NCAM2: variants seen among roughly 807,000 people sequenced by gnomAD.
NCAM2 encodes neural cell adhesion molecule 2, also known as N-CAM-2.
Under a neutral mutation model 98.1 loss-of-function variants are expected in NCAM2, and 30 were observed. The observed-to-expected ratio is 0.31, with a 90% CI of 0.23 to 0.41. The LOEUF (loss-of-function observed/expected upper bound fraction) is 0.41. Among genes scored for constraint, NCAM2 ranks in the 10% least tolerant of loss-of-function variants. NCAM2 has a pLI of 1.00. For missense variants in NCAM2, 867 were observed against 1,005.8 expected (o/e 0.86, Z 1.87); for synonymous variants, 368 against 342.4 (o/e 1.07, Z -0.83).
At chr21:21,039,332 C>A (rs1451306704) in intron 1 of NCAM2, among the ~76,000 whole-genome samples, 1 of 152,124 alleles carries the variant, frequency 6.6e-6, no homozygotes, top group Non-Finnish European at 1.5e-5. Flanking sequence ...AAAAAGATAT[C>A]CCTTAATAAT....
chr21:21,245,876 G>A (rs928361757), intron 1 of NCAM2, among the ~76,000 whole-genome samples: 3 of 152,252 alleles, frequency 2.0e-5, no homozygotes, highest in South Asian at 2.1e-4. Flanking sequence ...AGGAAGAGAA[G>A]GAAGGAAGGT....
intron 1 of NCAM2, among the ~76,000 whole-genome samples, chr21:21,186,015 G>A (rs113579645): frequency 6.6e-5 from 10 of 152,206 alleles, no homozygotes; most frequent in African/African-American, 1.4e-4. Flanking sequence ...GCACTGATGC[G>A]GTTCTCTTTC....
rs141070505 is a variant in NCAM2, at chr21:21,214,233, A to G, written c.56-66345A>G. 4.6e-4 allele frequency among the ~76,000 whole-genome samples: 70 copies of G among 152,262 alleles called. 1 individual carries two copies. Among genetic ancestry groups the G allele is most frequent in the African/African-American group, 1.5e-3 (61 of 41,564 alleles). ...GAATTACAGTCTTTCCAAGTAAAGA[A>G]TTTTATGAAAAATGTTTATAGATTG... On this transcript the variant is annotated intron_variant, in intron 1 of 17. Coordinates refer to ENST00000400546, the MANE Select transcript of NCAM2 (RefSeq NM_004540.5).
chr21:21,040,369 C>G (rs935656242), intron 1 of NCAM2, among the ~76,000 whole-genome samples: 1 of 152,042 alleles, frequency 6.6e-6, no homozygotes, highest in African/African-American at 2.4e-5. Flanking sequence ...TGAACCATGA[C>G]TTTATGTGTG....
intron 1 of NCAM2, among the ~76,000 whole-genome samples, chr21:21,238,200 G>A (rs1285588286): frequency 6.6e-6 from 1 of 151,768 alleles, no homozygotes; most frequent in Non-Finnish European, 1.5e-5. Context: ...CAGGTGATAC[G>A]CCCATCTCGG....
At chr21:21,096,339 T>C (rs897156003) in intron 1 of NCAM2, among the ~76,000 whole-genome samples, 3 of 151,632 alleles carry the variant, frequency 2.0e-5, no homozygotes, top group Non-Finnish European at 4.4e-5. Context: ...AGCCCTCACT[T>C]TGCACAGTAG....
chr21:21,414,169 A>G (rs2076940549), intron 10 of NCAM2, among the ~76,000 whole-genome samples: 1 of 152,150 alleles, frequency 6.6e-6, no homozygotes, highest in Non-Finnish European at 1.5e-5. Flanking sequence ...GCAGCAATTC[A>G]TTCACTTCTT....
At chr21:21,238,980 A>G (rs1283937294) in intron 1 of NCAM2, among the ~76,000 whole-genome samples, 1 of 152,184 alleles carries the variant, frequency 6.6e-6, no homozygotes, top group Non-Finnish European at 1.5e-5. Context: ...ATTGGACTAA[A>G]TGAAATTAGA....
intron 1 of NCAM2, among the ~76,000 whole-genome samples, chr21:21,098,695 G>A (rs1372547302): frequency 2.0e-5 from 3 of 151,840 alleles, no homozygotes; most frequent in African/African-American, 7.2e-5. Context: ...GATGTGCGTG[G>A]CAATGTGAAG....
intron 11 of NCAM2, among the ~76,000 whole-genome samples, chr21:21,420,232 T>C (rs1298929901): frequency 6.6e-6 from 1 of 152,070 alleles, no homozygotes; most frequent in Non-Finnish European, 1.5e-5. Context: ...TTTTATTTTG[T>C]ATGTATATGT....
At position 21,542,032 on chromosome 21, in the gene NCAM2, A is replaced by G. The variant is rs953056365; in HGVS notation, c.*4075A>G. On this transcript the variant is annotated 3_prime_UTR_variant, in exon 18 of 18. Transcript: ENST00000400546. ...TATGGATGTATCAACATAGGCTAAA[A>G]TTAAATTATGGATGTCGCAGAAATG... is the stretch of plus-strand genomic sequence containing the variant. 6.6e-6 allele frequency: 1 copy of G among 151,924 alleles called. No individual in the cohort carries two copies. The highest frequency in any genetic ancestry group is 2.4e-5 in the African/African-American group (1 of 41,442). 9.4% of individuals were successfully genotyped at this position (151,924 alleles called of 1,614,324 possible).
intron 1 of NCAM2, among the ~76,000 whole-genome samples, chr21:21,278,165 C>CT (rs148830114): frequency 1.6e-4 from 24 of 150,420 alleles, no homozygotes; most frequent in Non-Finnish European, 2.1e-4. Context: ...TTTCCCCTCC[C>CT]TTTTTTTTTC....
At chr21:21,334,840 T>C (rs988348419) in intron 6 of NCAM2, among the ~76,000 whole-genome samples, 4 of 151,798 alleles carry the variant, frequency 2.6e-5, no homozygotes, top group African/African-American at 9.7e-5. Flanking sequence ...CAGAGTGAGA[T>C]GTATTTCAGT....
Position 21,477,180 on chromosome 21 carries a change from T to G in NCAM2, c.1897-111T>G, listed in dbSNP as rs138208700. The G allele has an allele frequency of 4.5e-3, 3,351 of 741,156 alleles. 38 individuals are homozygous for G. Among genetic ancestry groups the G allele is most frequent in the Middle Eastern group, 0.033 (104 of 3,186 alleles). The allele number at this position is 741,156 out of a possible 1,614,324, so 45.9% of individuals were successfully genotyped here. On this transcript the variant is annotated intron_variant, in intron 14 of 17. Transcript: ENST00000400546. Reference sequence around the variant, plus strand: ...CATGTATCCCTGTGCCTATGAAAATTGTTCCAATATCCAATATAAGTATAT... The same window carrying G: ...CATGTATCCCTGTGCCTATGAAAATGGTTCCAATATCCAATATAAGTATAT...
At chr21:21,521,152 C>T (rs576713725) in intron 16 of NCAM2, among the ~76,000 whole-genome samples, 5 of 152,250 alleles carry the variant, frequency 3.3e-5, no homozygotes, top group African/African-American at 1.2e-4. Context: ...CTATGTTTCC[C>T]CCTGGAAATC....
chr21:21,188,971 G>A (rs895397510), intron 1 of NCAM2, among the ~76,000 whole-genome samples: 1 of 152,174 alleles, frequency 6.6e-6, no homozygotes, highest in African/African-American at 2.4e-5. Flanking sequence ...TGGGGCAGGT[G>A]TCTTGGAAAC....
At chr21:21,137,262 T>G (rs1424320211) in intron 1 of NCAM2, among the ~76,000 whole-genome samples, 1 of 152,242 alleles carries the variant, frequency 6.6e-6, no homozygotes, top group Non-Finnish European at 1.5e-5. Flanking sequence ...ATATGACTGC[T>G]TATGTCAGAA....
chr21:21,389,171 G>A (rs2076329885), intron 9 of NCAM2, among the ~76,000 whole-genome samples: 3 of 152,300 alleles, frequency 2.0e-5, no homozygotes, highest in South Asian at 4.2e-4. Flanking sequence ...ACATGGGTGG[G>A]GGGAAGCCTT....
intron 1 of NCAM2, among the ~76,000 whole-genome samples, chr21:21,243,743 C>G (rs1470124037): frequency 6.6e-6 from 1 of 152,126 alleles, no homozygotes; most frequent in Non-Finnish European, 1.5e-5. Flanking sequence ...CATATTGCAT[C>G]CACTAGAACA....
Sources: allele counts gnomAD v4.1 joint callset (sites outside exome capture counted in the v4.1 genomes callset), GRCh38; gene constraint gnomAD v4.1.1; transcripts MANE v1.5; gene names NCBI Gene and HGNC (gene_info 2026-07-23, HGNC 2026-07-21).